The following SLC9C2 variants were observed in gnomAD, a reference collection of about 807,000 sequenced individuals.
The protein encoded by SLC9C2 is solute carrier family 9 member C2 (putative), also known as sodium/hydrogen exchanger 11.
Under a neutral mutation model 140.2 loss-of-function variants are expected in SLC9C2, and 75 were observed. The ratio of observed to expected loss-of-function variants is 0.53; its 90% CI spans 0.44 to 0.65. SLC9C2 has a LOEUF of 0.65. Among genes scored for constraint, SLC9C2 ranks in the 30% least tolerant of loss-of-function variants. SLC9C2 has a pLI of 0.00. For missense variants in SLC9C2, 1,074 were observed against 1,331.8 expected (o/e 0.81, Z 3.01); for synonymous variants, 375 against 420.9 (o/e 0.89, Z 1.34).
chr1:173,600,780 AACTTGTGATATCAAAAGTG>A (rs1666731995), intron 2 of SLC9C2, among the ~76,000 whole-genome samples: 1 of 152,276 alleles, frequency 6.6e-6, no homozygotes, highest in East Asian at 1.9e-4. Flanking sequence ...GGTCATCAGC[AACTTGTGATATCAAAAGTG>A]ACCAAGGTCA....
intron 2 of SLC9C2, 96 bp from the exon 3 acceptor site, chr1:173,600,313 C>G: frequency 1.6e-6 from 1 of 609,994 alleles, no homozygotes; most frequent in African/African-American, 1.9e-5. Context: ...AAGTCAAGAC[C>G]TTCTGTATTC....
chr1:173,581,985 T>C lies in SLC9C2; in HGVS notation c.664A>G (p.Ser222Gly), dbSNP rs989379740. ...FRDLHVGIEL[S>G]YDILGSIIFG... ...ATTATGCTTCCCAAAATGTCATAGC[T>C]GAGTTCAATGCCTACATGTAAATCT... is the stretch of plus-strand genomic sequence containing the variant. Residue 222 changes from serine (S) to glycine (G), a missense_variant, in exon 7 of 28, where the codon AGC becomes GGC. By Grantham distance (56) the Ser-to-Gly change is moderately conservative. Transcript: ENST00000367714. 1.9e-6 allele frequency: 3 copies of C among 1,583,774 alleles called. No individual in the cohort carries two copies. In the African/African-American group the frequency reaches 4.0e-5, roughly 21 times the overall value.
At position 173,529,904 on chromosome 1, in the gene SLC9C2, C is replaced by T; in HGVS notation, c.2313+1G>A. 6.2e-7 allele frequency: 1 copy of T among 1,606,086 alleles called. No homozygotes were observed. Reference sequence around the variant, plus strand: ...CCAAATGACCAGTGCTTGTTTCTCACCTGATATATTGATTCACAGACAGCT... The same window carrying T: ...CCAAATGACCAGTGCTTGTTTCTCATCTGATATATTGATTCACAGACAGCT... On this transcript the variant is annotated splice_donor_variant, in intron 18 of 27. Coordinates refer to ENST00000367714, the MANE Select transcript of SLC9C2 (RefSeq NM_178527.4). LOFTEE classifies it high-confidence loss of function.
At chr1:173,516,410 C>T (rs527740640) in intron 23 of SLC9C2, among the ~76,000 whole-genome samples, 50 of 152,124 alleles carry the variant, frequency 3.3e-4, no homozygotes, top group African/African-American at 1.1e-3. Flanking sequence ...ATTTCATCAC[C>T]CATGTATTAA....
chr1:173,550,575 A>G (rs995255607), intron 11 of SLC9C2, among the ~76,000 whole-genome samples: 1 of 151,402 alleles, frequency 6.6e-6, no homozygotes, highest in Admixed American at 6.6e-5. Flanking sequence ...AGTAGCTGGG[A>G]CTACAGGCAT....
intron 5 of SLC9C2, among the ~76,000 whole-genome samples, chr1:173,584,163 C>T (rs1571615923): frequency 1.3e-5 from 2 of 150,936 alleles, no homozygotes; most frequent in East Asian, 3.9e-4. Context: ...AAGTATTATT[C>T]CTCCACAAAA....
At chr1:173,575,118 T>C (rs958150023) in intron 8 of SLC9C2, among the ~76,000 whole-genome samples, 9 of 152,130 alleles carry the variant, frequency 5.9e-5, no homozygotes, top group Admixed American at 3.3e-4. Context: ...AGATCCTGTC[T>C]CAAAAGAAAT....
chr1:173,597,100 A>G (rs1172652088), intron 4 of SLC9C2, among the ~76,000 whole-genome samples: 1 of 152,014 alleles, frequency 6.6e-6, no homozygotes, highest in Non-Finnish European at 1.5e-5. Context: ...ATTAGAGAAC[A>G]TATATTTTTA....
intron 11 of SLC9C2, among the ~76,000 whole-genome samples, 187 bp from the exon 12 acceptor site, chr1:173,548,739 G>A (rs1663046341): frequency 6.6e-6 from 1 of 152,188 alleles, no homozygotes; most frequent in Non-Finnish European, 1.5e-5. Flanking sequence ...CTTTTTGGCT[G>A]TACAGCTCAA....
intron 9 of SLC9C2, among the ~76,000 whole-genome samples, chr1:173,566,986 T>C (rs1240471022): frequency 6.6e-6 from 1 of 152,104 alleles, no homozygotes; most frequent in Non-Finnish European, 1.5e-5. Flanking sequence ...TTGTATAGTT[T>C]GCAAAATTCT....
In SLC9C2 at chr1:173,601,762, G is replaced by A; in HGVS notation, c.15C>T (p.Phe5=). Residue 5 remains phenylalanine (F), a synonymous_variant, in exon 2 of 28, where the codon TTC becomes TTT. Coordinates refer to ENST00000367714, the MANE Select transcript of SLC9C2 (RefSeq NM_178527.4). ...GTCTGTTACTTTCATTTTGTGCCCA[G>A]AAGTAAGAACTCATTTTTGCTGCTG... is the stretch of plus-strand genomic sequence containing the variant. MSSY[F]WAQNESNRPD... is the part of the protein sequence containing the mutation. The A allele has an allele frequency of 6.2e-7, 1 of 1,613,918 alleles. No homozygotes were observed. Among genetic ancestry groups the A allele is most frequent in the South Asian group, 1.1e-5 (1 of 91,018 alleles).
rs929703692 is a variant in SLC9C2, at chr1:173,582,063, T to G, written c.641-55A>C. 3.0e-6 allele frequency: 4 copies of G among 1,345,768 alleles called. No individual in the cohort carries two copies. In the African/African-American group the frequency reaches 5.9e-5, roughly 20 times the overall value. The allele number at this position is 1,345,768 out of a possible 1,614,324, so 83.4% of individuals were successfully genotyped here. ...AAAAACTTGAGCTATAACTTTTGTC[T>G]CTTTCACTGATGGCATTTGGGTCTT... On this transcript the variant is annotated intron_variant, in intron 6 of 27. Transcript: ENST00000367714.
At chr1:173,538,928 A>ACTC (rs1662172868) in intron 13 of SLC9C2, among the ~76,000 whole-genome samples, 1 of 151,872 alleles carries the variant, frequency 6.6e-6, no homozygotes, top group Non-Finnish European at 1.5e-5. Flanking sequence ...TCTGTGAGAT[A>ACTC]CTCCTTCAAC....
intron 23 of SLC9C2, among the ~76,000 whole-genome samples, chr1:173,517,232 A>G (rs1421474736): frequency 6.6e-6 from 1 of 152,256 alleles, no homozygotes; most frequent in Non-Finnish European, 1.5e-5. Flanking sequence ...GAGCACCTAT[A>G]TGTGTCAGGC....
chr1:173,587,492 T>C (rs1222369159), intron 5 of SLC9C2, among the ~76,000 whole-genome samples, 173 bp downstream of exon 5: 1 of 152,190 alleles, frequency 6.6e-6, no homozygotes, highest in Non-Finnish European at 1.5e-5. Flanking sequence ...TTGGTGGCTG[T>C]CTTATTTGCA....
chr1:173,584,563 A>G (rs150665576), intron 5 of SLC9C2, among the ~76,000 whole-genome samples: 1 of 152,280 alleles, frequency 6.6e-6, no homozygotes, highest in African/African-American at 2.4e-5. Context: ...TCTAAATACA[A>G]TGTGACTTTT....
Position 173,524,883 on chromosome 1 carries a change from T to A in SLC9C2, c.2410A>T (p.Thr804Ser). Reference sequence around the variant, plus strand: ...ATCACATTCCGGATTGCCTGTTTAGTCTTCAAAGCAATGACAACATCACGA... The same window carrying A: ...ATCACATTCCGGATTGCCTGTTTAGACTTCAAAGCAATGACAACATCACGA... ...EGRDVVIALK[T>S]KQAIRNVIAK... The change falls in exon 20 of 28, where the codon ACT becomes TCT. Residue 804 changes from threonine (T) to serine (S), a missense_variant. Coordinates refer to ENST00000367714, the MANE Select transcript of SLC9C2 (RefSeq NM_178527.4). The A allele has an allele frequency of 7.4e-6, 12 of 1,614,124 alleles. No individual in the cohort carries two copies. Among genetic ancestry groups the A allele is most frequent in the Non-Finnish European group, 1.0e-5 (12 of 1,179,992 alleles).
intron 14 of SLC9C2, among the ~76,000 whole-genome samples, chr1:173,536,701 C>G (rs533055561): frequency 6.6e-6 from 1 of 152,224 alleles, no homozygotes; most frequent in Non-Finnish European, 1.5e-5. Context: ...CAATCTTTCT[C>G]CAGACTCCCC....
chr1:173,550,116 C>T (rs779841499), intron 11 of SLC9C2, among the ~76,000 whole-genome samples: 19 of 152,180 alleles, frequency 1.2e-4, no homozygotes, highest in Non-Finnish European at 2.6e-4. Context: ...CAAGAATAAA[C>T]CAAGACCAGG....
Sources: allele counts gnomAD v4.1 joint callset (sites outside exome capture counted in the v4.1 genomes callset), GRCh38; gene constraint gnomAD v4.1.1; transcripts MANE v1.5; gene names NCBI Gene and HGNC (gene_info 2026-07-23, HGNC 2026-07-21).